The following DOCK2 variants were observed in gnomAD, a reference collection of about 807,000 sequenced individuals.
The protein encoded by DOCK2 is dedicator of cytokinesis 2, also known as dedicator of cytokinesis protein 2.
In DOCK2, 87 loss-of-function variants were observed where a neutral mutation model predicts 248.9. The ratio of observed to expected loss-of-function variants is 0.35; its 90% CI spans 0.29 to 0.42. The LOEUF is 0.42. Ranked by LOEUF, DOCK2 falls within the 10% of genes least tolerant of loss-of-function variation. The probability of loss-of-function intolerance (pLI) is 1.00; values close to 1 mark genes in which losing one functional copy is unlikely to be tolerated. For missense variants in DOCK2, 1,747 were observed against 2,300.2 expected, an observed-to-expected ratio of 0.76 and a Z score of 4.92; for synonymous variants, 805 against 821.6, an observed-to-expected ratio of 0.98 and a Z score of 0.35.
chr5:170,027,984 G>A, intron 34 of DOCK2, 36 bp downstream of exon 34: 2 of 1,587,994 alleles, frequency 1.3e-6, no homozygotes, highest in Non-Finnish European at 1.7e-6. Context: ...AACAGCCTGT[G>A]AAGGTCAGGT....
chr5:170,007,574 A>T (rs778518469), intron 30 of DOCK2, among the ~76,000 whole-genome samples: 23 of 152,176 alleles, frequency 1.5e-4, no homozygotes, highest in Admixed American at 1.2e-3. Flanking sequence ...AGGCTCCGTG[A>T]TGAATCCATG....
chr5:169,873,315 T>C (rs1772104741), intron 27 of DOCK2, among the ~76,000 whole-genome samples: 1 of 152,232 alleles, frequency 6.6e-6, no homozygotes, highest in Non-Finnish European at 1.5e-5. Context: ...TTTTACATTT[T>C]ACATGTACCC....
rs546356668 is a variant in DOCK2, at chr5:169,914,725, TC to T, written c.2800-68342del. Among the ~76,000 whole-genome samples the T allele has an allele frequency of 1.7e-4, 26 of 152,332 alleles. No homozygotes were observed. The South Asian group carries it at 5.4e-3, about 32-fold the overall frequency. ...CATCAATCCCTGCAGGAGGAGCAGT[TC>T]TGTAGCCTTCTGGTGGGGCAGGGTC... On this transcript the variant is annotated intron_variant, in intron 27 of 51. Transcript: ENST00000520908.
intron 25 of DOCK2, among the ~76,000 whole-genome samples, chr5:169,781,459 T>C (rs1323387395): frequency 6.6e-6 from 1 of 152,208 alleles, no homozygotes; most frequent in African/African-American, 2.4e-5. Context: ...GAATGTTGGA[T>C]CTCTGAGATC....
intron 1 of DOCK2, among the ~76,000 whole-genome samples, chr5:169,646,069 T>C (rs1445637816): frequency 6.6e-6 from 1 of 152,208 alleles, no homozygotes; most frequent in Non-Finnish European, 1.5e-5. Context: ...TTTTTATGGT[T>C]TGGGATTTTA....
chr5:169,735,891 A>C (rs1763010688), intron 22 of DOCK2, among the ~76,000 whole-genome samples: 1 of 152,000 alleles, frequency 6.6e-6, no homozygotes, highest in Non-Finnish European at 1.5e-5. Flanking sequence ...AAACTTACAA[A>C]CATGGCAGAA....
chr5:169,861,915 A>AT (rs1016218414), intron 27 of DOCK2, among the ~76,000 whole-genome samples: 5 of 149,102 alleles, frequency 3.4e-5, no homozygotes, highest in Admixed American at 1.4e-4. Flanking sequence ...CATTTTATTT[A>AT]TTTTTTTCTT....
At chr5:169,670,986 C>A in intron 4 of DOCK2, 92 bp from the exon 5 acceptor site, 1 of 1,040,348 alleles carries the variant, frequency 9.6e-7, no homozygotes, top group Non-Finnish European at 1.5e-6. Flanking sequence ...AAGGCCCCTC[C>A]GCAGCTGCAG....
chr5:169,716,078 A>T (rs1031252421), intron 19 of DOCK2, 135 bp from the exon 20 acceptor site: 1 of 767,712 alleles, frequency 1.3e-6, no homozygotes, highest in East Asian at 2.8e-5. Flanking sequence ...GAGTAAAACT[A>T]CTCTAGACGT....
At chr5:170,071,481 G>C (rs1757676655) in intron 46 of DOCK2, among the ~76,000 whole-genome samples, 1 of 152,250 alleles carries the variant, frequency 6.6e-6, no homozygotes, top group Non-Finnish European at 1.5e-5. Context: ...CGTTTTTGCA[G>C]ATTTCAAGAT....
intron 42 of DOCK2, among the ~76,000 whole-genome samples, chr5:170,055,768 T>G (rs940969238): frequency 6.6e-6 from 1 of 152,248 alleles, no homozygotes. Context: ...TTGTCCATGC[T>G]GAGCACATGC....
chr5:170,012,911 G>A (rs1755357105), intron 32 of DOCK2, among the ~76,000 whole-genome samples: 1 of 152,120 alleles, frequency 6.6e-6, no homozygotes. Flanking sequence ...GGTTGGCCTG[G>A]CCAAGCCTCG....
chr5:169,857,661 AT>A (rs1561768880), intron 27 of DOCK2, among the ~76,000 whole-genome samples: 1 of 151,960 alleles, frequency 6.6e-6, no homozygotes, highest in Non-Finnish European at 1.5e-5. Flanking sequence ...AGATGGAAAA[AT>A]TGCTCTTTCT....
At chr5:169,839,119 C>A (rs1046145616) in intron 26 of DOCK2, among the ~76,000 whole-genome samples, 33 of 152,188 alleles carry the variant, frequency 2.2e-4, no homozygotes, top group African/African-American at 7.7e-4. Context: ...TTAGCACTTT[C>A]TTTGTGTCAG....
intron 27 of DOCK2, among the ~76,000 whole-genome samples, chr5:169,876,768 G>T (rs1294454673): frequency 6.6e-6 from 1 of 152,188 alleles, no homozygotes; most frequent in Non-Finnish European, 1.5e-5. Flanking sequence ...CCTCACCCAG[G>T]AGTGGTGGTG....
chr5:170,025,629 C>T (rs1755875624), intron 33 of DOCK2, among the ~76,000 whole-genome samples: 1 of 152,114 alleles, frequency 6.6e-6, no homozygotes, highest in South Asian at 2.1e-4. Context: ...CATGATAGTC[C>T]CCAACCCTTG....
At chr5:169,875,329 G>A (rs950819085) in intron 27 of DOCK2, 1 of 456,702 alleles carries the variant, frequency 2.2e-6, no homozygotes, top group Non-Finnish European at 4.4e-6. Flanking sequence ...CACCCAGGAG[G>A]TTCCGATGCA....
chr5:169,702,172 A>G, intron 13 of DOCK2, 131 bp from the exon 14 acceptor site: 1 of 1,182,588 alleles, frequency 8.5e-7, no homozygotes, highest in Non-Finnish European at 1.2e-6. Flanking sequence ...GCTTTCTCTA[A>G]GCAATTCTGA....
chr5:169,767,906 ATT>A (rs1382201085), intron 25 of DOCK2, among the ~76,000 whole-genome samples: 1 of 152,220 alleles, frequency 6.6e-6, no homozygotes, highest in Non-Finnish European at 1.5e-5. Context: ...GTATTAGGGT[ATT>A]AATATTTTGG....
Sources: allele counts gnomAD v4.1 joint callset (sites outside exome capture counted in the v4.1 genomes callset), GRCh38; gene constraint gnomAD v4.1.1; transcripts MANE v1.5; gene names NCBI Gene and HGNC (gene_info 2026-07-23, HGNC 2026-07-21).